Variants in AUTS2 observed in about 807,000 individuals in gnomAD.
AUTS2 encodes the protein autism susceptibility gene 2 protein.
In AUTS2, 17 loss-of-function variants were observed where a neutral mutation model predicts 112.4. The ratio of observed to expected loss-of-function variants is 0.15; its 90% CI spans 0.10 to 0.23. The LOEUF (loss-of-function observed/expected upper bound fraction) is 0.23. Ranked by LOEUF, AUTS2 falls within the 10% of genes least tolerant of loss-of-function variation. AUTS2 has a pLI of 1.00. For missense variants in AUTS2, 1,510 were observed against 1,701.6 expected, an observed-to-expected ratio of 0.89 and a Z score of 1.98; for synonymous variants, 751 against 702.7, an observed-to-expected ratio of 1.07 and a Z score of -1.09.
At chr7:69,772,395 G>A (rs993112452) in intron 1 of AUTS2, among the ~76,000 whole-genome samples, 2 of 152,220 alleles carry the variant, frequency 1.3e-5, no homozygotes, top group African/African-American at 4.8e-5. Context: ...CAACTGTGCA[G>A]TCTGATAGAG....
chr7:70,083,138 A>G (rs1248016837), intron 2 of AUTS2, among the ~76,000 whole-genome samples: 1 of 151,972 alleles, frequency 6.6e-6, no homozygotes, highest in Non-Finnish European at 1.5e-5. Flanking sequence ...TTCCCTGATG[A>G]TTGTTTTTCT....
intron 2 of AUTS2, among the ~76,000 whole-genome samples, chr7:69,999,476 A>G (rs766382466): frequency 2.6e-5 from 4 of 152,224 alleles, no homozygotes; most frequent in Non-Finnish European, 5.9e-5. Flanking sequence ...CTGAAGTACC[A>G]CATAAATATG....
intron 2 of AUTS2, among the ~76,000 whole-genome samples, chr7:69,964,619 A>G (rs1049311882): frequency 1.3e-5 from 2 of 151,730 alleles, no homozygotes; most frequent in Non-Finnish European, 2.9e-5. Flanking sequence ...AGTCTTAACT[A>G]CTTGATTACC....
intron 6 of AUTS2, among the ~76,000 whole-genome samples, chr7:70,743,226 G>C (rs1460048299): frequency 6.6e-6 from 1 of 152,102 alleles, no homozygotes; most frequent in Non-Finnish European, 1.5e-5. Flanking sequence ...CCAGCACTTT[G>C]GGAGGCTGAG....
At chr7:69,761,610 G>C (rs1391577206) in intron 1 of AUTS2, among the ~76,000 whole-genome samples, 2 of 152,140 alleles carry the variant, frequency 1.3e-5, no homozygotes, top group Non-Finnish European at 2.9e-5. Context: ...AATGTGACAG[G>C]ACATGGATTT....
intron 2 of AUTS2, among the ~76,000 whole-genome samples, chr7:69,942,155 TGTTTTC>T (rs1303339929): frequency 6.6e-6 from 1 of 152,204 alleles, no homozygotes; most frequent in Admixed American, 6.5e-5. Flanking sequence ...CATGCACAGT[TGTTTTC>T]TTTACTTGTT....
chr7:70,626,358 TA>T (rs10572995), intron 5 of AUTS2, among the ~76,000 whole-genome samples: 6,631 of 113,100 alleles, frequency 0.059, 245 homozygotes, highest in Non-Finnish European at 0.081. Context: ...ACCTTGTTTC[TA>T]AAAAAAAAAA....
In AUTS2 at chr7:70,636,809, A is replaced by AG. The variant is rs200131171; in HGVS notation, c.691-61759dup. 4.1e-3 allele frequency among the ~76,000 whole-genome samples: 628 copies of AG among 151,736 alleles called. 2 individuals carry two copies. The highest frequency in any genetic ancestry group is 0.015 in the African/African-American group (607 of 41,364). On this transcript the variant is annotated intron_variant, in intron 5 of 18. Coordinates refer to ENST00000342771, the MANE Select transcript of AUTS2 (RefSeq NM_015570.4). Reference sequence around the variant, plus strand: ...CTACAGGCATGCACTACCATGCCCAAGTAATTTTTTTTTTAAGAGATGGGG... The same window carrying AG: ...CTACAGGCATGCACTACCATGCCCAAGGTAATTTTTTTTTTAAGAGATGGGG...
chr7:70,306,300 G>A (rs1789490628), intron 4 of AUTS2, among the ~76,000 whole-genome samples: 1 of 152,224 alleles, frequency 6.6e-6, no homozygotes, highest in Non-Finnish European at 1.5e-5. Flanking sequence ...TTCAGCAGCT[G>A]CTAAGTAAAA....
intron 4 of AUTS2, among the ~76,000 whole-genome samples, chr7:70,408,515 C>T (rs1323870217): frequency 6.6e-6 from 1 of 152,180 alleles, no homozygotes; most frequent in Non-Finnish European, 1.5e-5. Context: ...AAAGGGTCCA[C>T]TTAACCCCTT....
chr7:70,210,704 AT>A (rs1188856002), intron 4 of AUTS2, among the ~76,000 whole-genome samples: 1 of 152,194 alleles, frequency 6.6e-6, no homozygotes, highest in South Asian at 2.1e-4. Flanking sequence ...GAAAGAAGCC[AT>A]TTGAAATAAC....
chr7:70,029,977 T>TG (rs1221187533), intron 2 of AUTS2, among the ~76,000 whole-genome samples: 2 of 152,206 alleles, frequency 1.3e-5, no homozygotes, highest in Admixed American at 1.3e-4. Flanking sequence ...CTCCAGGTGC[T>TG]GCCACATCCA....
intron 5 of AUTS2, among the ~76,000 whole-genome samples, chr7:70,508,553 A>G (rs1799060718): frequency 6.6e-6 from 1 of 152,132 alleles, no homozygotes; most frequent in Admixed American, 6.5e-5. Context: ...TTCTCTCCCC[A>G]GTAGTCAGTC....
intron 5 of AUTS2, among the ~76,000 whole-genome samples, chr7:70,630,005 T>C (rs1375145697): frequency 6.6e-6 from 1 of 152,212 alleles, no homozygotes; most frequent in African/African-American, 2.4e-5. Flanking sequence ...ATAGAGTGGA[T>C]TGAAATGAAT....
intron 1 of AUTS2, among the ~76,000 whole-genome samples, chr7:69,780,869 C>A (rs945264281): frequency 1.3e-5 from 2 of 152,164 alleles, no homozygotes; most frequent in Non-Finnish European, 2.9e-5. Flanking sequence ...GATAGACTCT[C>A]CGTTATTTTT....
intron 4 of AUTS2, among the ~76,000 whole-genome samples, chr7:70,358,150 A>G (rs1792096612): frequency 1.3e-5 from 2 of 152,286 alleles, no homozygotes; most frequent in East Asian, 3.9e-4. Context: ...TTCTGAGTTT[A>G]TTTGTAAATC....
chr7:69,881,810 T>C (rs1039116206), intron 1 of AUTS2, among the ~76,000 whole-genome samples: 1 of 152,170 alleles, frequency 6.6e-6, no homozygotes, highest in Non-Finnish European at 1.5e-5. Context: ...ATGGTGCTAG[T>C]ATTTCAAGGA....
At chr7:69,666,533 T>G (rs1229200920) in intron 1 of AUTS2, among the ~76,000 whole-genome samples, 5 of 152,214 alleles carry the variant, frequency 3.3e-5, no homozygotes, top group Non-Finnish European at 7.3e-5. Flanking sequence ...GATATGTCTG[T>G]ATTGGAAAAT....
intron 2 of AUTS2, among the ~76,000 whole-genome samples, chr7:69,904,441 G>A (rs1478961887): frequency 1.3e-5 from 2 of 152,134 alleles, no homozygotes; most frequent in Non-Finnish European, 2.9e-5. Context: ...AAATCACACA[G>A]GTATTTATCC....
Sources: gnomAD v4.1 joint callset for allele counts (sites outside exome capture counted in the v4.1 genomes callset) on GRCh38, gnomAD v4.1.1 for gene constraint, MANE v1.5 for transcripts, NCBI Gene and HGNC (gene_info 2026-07-23, HGNC 2026-07-21) for gene names.